NOL4: variants seen among roughly 807,000 people sequenced by gnomAD.
NOL4 encodes the protein cancer/testis antigen 125.
In NOL4, 17 loss-of-function variants were observed where a neutral mutation model predicts 75.9. The observed-to-expected ratio is 0.22, with a 90% CI of 0.15 to 0.34. NOL4 has a LOEUF of 0.34. Among genes scored for constraint, NOL4 ranks in the 10% least tolerant of loss-of-function variants. The pLI is 1.00. For synonymous variants in NOL4, 292 were observed against 289.9 expected, an observed-to-expected ratio of 1.01 and a Z score of -0.07; for missense variants, 614 against 793.5, an observed-to-expected ratio of 0.77 and a Z score of 2.72.
chr18:33,960,368 C>T (rs1453695832), intron 6 of NOL4, among the ~76,000 whole-genome samples: 1 of 151,914 alleles, frequency 6.6e-6, no homozygotes, highest in African/African-American at 2.4e-5. Flanking sequence ...TAAACATATT[C>T]TGGAATATAT....
chr18:34,082,256 C>A (rs1050900814), intron 5 of NOL4, among the ~76,000 whole-genome samples: 11 of 152,094 alleles, frequency 7.2e-5, no homozygotes. Context: ...ATGCTTAAAG[C>A]CATGGGCATC....
At chr18:34,142,180 A>T (rs1046436845) in intron 1 of NOL4, among the ~76,000 whole-genome samples, 11 of 152,200 alleles carry the variant, frequency 7.2e-5, no homozygotes, top group African/African-American at 2.7e-4. Flanking sequence ...GTCAGGAAAC[A>T]ACAGGTGCTG....
chr18:34,000,029 A>C lies in NOL4; in HGVS notation c.1056+19289T>G, dbSNP rs564614768. Reference sequence around the variant, plus strand: ...GCAGGATAGGAAGCCACTAGCAAGTATTTGCAACTAAGACAAAAGATGAAA... The same window carrying C: ...GCAGGATAGGAAGCCACTAGCAAGTCTTTGCAACTAAGACAAAAGATGAAA... On this transcript the variant is annotated intron_variant, in intron 6 of 10. Transcript: ENST00000261592. Among the ~76,000 whole-genome samples the C allele has an allele frequency of 3.9e-5, 6 of 152,272 alleles. No individual in the cohort carries two copies. In the East Asian group the frequency reaches 1.2e-3, roughly 30 times the overall value.
chr18:34,106,031 C>T (rs1046103467), intron 2 of NOL4, among the ~76,000 whole-genome samples: 1 of 151,912 alleles, frequency 6.6e-6, no homozygotes, highest in Admixed American at 6.6e-5. Context: ...AGTCTGATGC[C>T]GGGCTTCAGT....
intron 5 of NOL4, among the ~76,000 whole-genome samples, chr18:34,048,046 GA>G (rs1164083157): frequency 6.6e-6 from 1 of 152,062 alleles, no homozygotes; most frequent in Admixed American, 6.6e-5. Context: ...AACCTAAAAT[GA>G]AATTTCATCA....
At chr18:34,091,649 T>A (rs77619705) in intron 5 of NOL4, among the ~76,000 whole-genome samples, 4,829 of 152,250 alleles carry the variant, frequency 0.032, 82 homozygotes, top group Middle Eastern at 0.048. Flanking sequence ...GAAAAAGACA[T>A]AATCAATCGA....
At chr18:33,976,717 T>C (rs1444970885) in intron 6 of NOL4, among the ~76,000 whole-genome samples, 2 of 152,182 alleles carry the variant, frequency 1.3e-5, no homozygotes, top group Non-Finnish European at 2.9e-5. Flanking sequence ...TAGAACTACA[T>C]TTTTCTCCTT....
At chr18:34,026,700 T>A (rs888807623) in intron 5 of NOL4, among the ~76,000 whole-genome samples, 3 of 152,164 alleles carry the variant, frequency 2.0e-5, no homozygotes, top group African/African-American at 4.8e-5. Flanking sequence ...TGTAATTTTT[T>A]AAATAATATA....
intron 1 of NOL4, among the ~76,000 whole-genome samples, chr18:34,195,070 C>T (rs2035233438): frequency 6.6e-6 from 1 of 151,476 alleles, no homozygotes; most frequent in African/African-American, 2.4e-5. Flanking sequence ...AACTATCTAC[C>T]TAAATGTGAA....
chr18:34,001,767 T>A (rs1185382649), intron 6 of NOL4: 1 of 152,868 alleles, frequency 6.5e-6, no homozygotes, highest in East Asian at 1.9e-4. Flanking sequence ...GTGTGATCAA[T>A]TAATTGTAAA....
intron 6 of NOL4, among the ~76,000 whole-genome samples, chr18:33,961,584 A>G (rs2070130854): frequency 6.6e-6 from 1 of 152,096 alleles, no homozygotes; most frequent in Non-Finnish European, 1.5e-5. Context: ...TCTATATATT[A>G]TATATCTTAT....
intron 2 of NOL4, among the ~76,000 whole-genome samples, chr18:34,117,261 G>A (rs921163804): frequency 3.9e-5 from 6 of 152,150 alleles, no homozygotes; most frequent in Non-Finnish European, 5.9e-5. Flanking sequence ...CAGAGAGGTT[G>A]TGTATTTTGC....
chr18:33,900,656 A>G (rs115682899), intron 9 of NOL4, among the ~76,000 whole-genome samples: 2,172 of 152,340 alleles, frequency 0.014, 50 homozygotes, highest in African/African-American at 0.049. Context: ...TTAAACTGCC[A>G]TGAAAACTGT....
intron 5 of NOL4, among the ~76,000 whole-genome samples, chr18:34,051,225 T>C (rs971203748): frequency 6.6e-6 from 1 of 152,036 alleles, no homozygotes; most frequent in South Asian, 2.1e-4. Flanking sequence ...ATATACTTAA[T>C]AAATGAAAAT....
chr18:33,979,288 AAAG>A (rs1405697056), intron 6 of NOL4, among the ~76,000 whole-genome samples: 1 of 152,038 alleles, frequency 6.6e-6, no homozygotes, highest in Admixed American at 6.6e-5. Flanking sequence ...GAGAGGGCAA[AAAG>A]AAGACAATGA....
intron 1 of NOL4, among the ~76,000 whole-genome samples, chr18:34,154,213 A>G (rs1361218846): frequency 4.6e-5 from 7 of 152,074 alleles, no homozygotes; most frequent in African/African-American, 1.4e-4. Flanking sequence ...GTGACTTAAT[A>G]CAGTAGTTAA....
intron 9 of NOL4, among the ~76,000 whole-genome samples, chr18:33,929,439 C>T (rs1249758731): frequency 1.3e-5 from 2 of 152,166 alleles, no homozygotes; most frequent in African/African-American, 4.8e-5. Context: ...GCTCCCCTGG[C>T]TCTCACAGCA....
intron 9 of NOL4, among the ~76,000 whole-genome samples, chr18:33,903,505 G>T (rs547376980): frequency 2.0e-5 from 3 of 152,206 alleles, no homozygotes; most frequent in Non-Finnish European, 4.4e-5. Flanking sequence ...CTCATCTAAA[G>T]AAGGCACTCA....
At chr18:34,146,835 T>C (rs1321884016) in intron 1 of NOL4, among the ~76,000 whole-genome samples, 1 of 152,206 alleles carries the variant, frequency 6.6e-6, no homozygotes, top group African/African-American at 2.4e-5. Flanking sequence ...ATGACATTGA[T>C]TCTTCCTAAC....
Sources: allele counts gnomAD v4.1 joint callset (sites outside exome capture counted in the v4.1 genomes callset), GRCh38; gene constraint gnomAD v4.1.1; transcripts MANE v1.5; gene names NCBI Gene and HGNC (gene_info 2026-07-23, HGNC 2026-07-21).